The following GNAL variants were observed in gnomAD, a reference collection of about 807,000 sequenced individuals.
The protein encoded by GNAL is guanine nucleotide-binding protein G(olf) subunit alpha.
Under a neutral mutation model 55.1 loss-of-function variants are expected in GNAL, and 18 were observed. That is an observed-to-expected ratio of 0.33 (90% CI 0.23 to 0.48). The LOEUF (loss-of-function observed/expected upper bound fraction) is 0.48. Ranked by LOEUF, GNAL falls within the 20% of genes least tolerant of loss-of-function variation. The probability of loss-of-function intolerance (pLI) is 0.99; values close to 1 mark genes in which losing one functional copy is unlikely to be tolerated. For synonymous variants in GNAL, 253 were observed against 237.0 expected (o/e 1.07, Z -0.62); for missense variants, 412 against 614.1 (o/e 0.67, Z 3.48).
chr18:11,832,229 A>G (rs562347573), intron 5 of GNAL, among the ~76,000 whole-genome samples: 25 of 152,342 alleles, frequency 1.6e-4, no homozygotes, highest in East Asian at 5.8e-4. Flanking sequence ...TCCACAGCTC[A>G]CAGAGTGTAG....
intron 4 of GNAL, among the ~76,000 whole-genome samples, chr18:11,773,577 C>T (rs890038109): frequency 1.6e-4 from 24 of 152,046 alleles, no homozygotes; most frequent in Admixed American, 1.3e-3. Context: ...ACCAGACCAG[C>T]CTGGGCAAAA....
At chr18:11,747,228 T>G (rs1244324469) in intron 1 of GNAL, 4 of 358,886 alleles carry the variant, frequency 1.1e-5, no homozygotes, top group Non-Finnish European at 2.2e-5. Flanking sequence ...AAAGATGAGG[T>G]GGAGAAACAG....
Position 11,689,716 on chromosome 18 carries a change from C to T in GNAL, c.153C>T (p.Thr51=). 1.3e-6 allele frequency: 2 copies of T among 1,496,838 alleles called. No individual in the cohort carries two copies. Among genetic ancestry groups the T allele is most frequent in the South Asian group, 1.2e-5 (1 of 80,304 alleles). 92.7% of individuals were successfully genotyped at this position (1,496,838 alleles called of 1,614,324 possible). A position where few individuals can be genotyped will look rare whatever the true frequency, so the allele number is the denominator to read the frequency against. Residue 51 remains threonine (T), a synonymous_variant, in exon 1 of 12, where the codon ACC becomes ACT. Transcript: ENST00000334049. The part of the protein sequence containing the change: ...VRAAARDTAR[T]LLPRGGEGSP... ...CGGCCGCAAGGGACACGGCCCGGACCCTGCTCCCTCGGGGCGGCGAAGGGA... is the reference window on the plus strand; with the variant it reads ...CGGCCGCAAGGGACACGGCCCGGACTCTGCTCCCTCGGGGCGGCGAAGGGA...
intron 1 of GNAL, among the ~76,000 whole-genome samples, chr18:11,692,736 G>C (rs1033123824): frequency 2.0e-5 from 3 of 151,908 alleles, no homozygotes; most frequent in Non-Finnish European, 4.4e-5. Flanking sequence ...GGGTAGCATA[G>C]TAAAACCCCA....
At chr18:11,705,315 C>T (rs1173613332) in intron 1 of GNAL, among the ~76,000 whole-genome samples, 1 of 152,110 alleles carries the variant, frequency 6.6e-6, no homozygotes, top group South Asian at 2.1e-4. Flanking sequence ...AATAATATTC[C>T]ATTGTATGTA....
At chr18:11,694,190 G>A (rs1056740340) in intron 1 of GNAL, among the ~76,000 whole-genome samples, 2 of 152,026 alleles carry the variant, frequency 1.3e-5, no homozygotes, top group African/African-American at 4.8e-5. Flanking sequence ...TGTGAGGTTA[G>A]TCCCGTCTCC....
At chr18:11,873,214 A>G (rs1905637199) in intron 10 of GNAL, among the ~76,000 whole-genome samples, 1 of 152,244 alleles carries the variant, frequency 6.6e-6, no homozygotes, top group African/African-American at 2.4e-5. Flanking sequence ...TTCCTGGAAA[A>G]TATAGTTAAG....
At chr18:11,711,207 C>G (rs541912494) in intron 1 of GNAL, among the ~76,000 whole-genome samples, 1 of 152,156 alleles carries the variant, frequency 6.6e-6, no homozygotes, top group African/African-American at 2.4e-5. Flanking sequence ...TTATCCTGTT[C>G]GTGATTCATT....
At chr18:11,791,428 T>C (rs552782582) in intron 4 of GNAL, among the ~76,000 whole-genome samples, 9 of 152,338 alleles carry the variant, frequency 5.9e-5, no homozygotes, top group Admixed American at 1.3e-4. Context: ...TAAGGGATGC[T>C]TTTTGCCTTC....
At chr18:11,851,739 T>A in intron 5 of GNAL, 1 of 1,614,026 alleles carries the variant, frequency 6.2e-7, no homozygotes, top group Non-Finnish European at 8.5e-7. Flanking sequence ...ATGCAGTGGC[T>A]GCCAGGGTCC....
intron 5 of GNAL, among the ~76,000 whole-genome samples, chr18:11,860,519 G>A (rs1481832877): frequency 5.3e-5 from 8 of 152,208 alleles, no homozygotes; most frequent in Admixed American, 3.3e-4. Flanking sequence ...GGATTAACAG[G>A]AGGAAAGCAT....
At chr18:11,774,724 A>G (rs947727940) in intron 4 of GNAL, among the ~76,000 whole-genome samples, 1 of 152,190 alleles carries the variant, frequency 6.6e-6, no homozygotes, top group African/African-American at 2.4e-5. Flanking sequence ...CCCCCTGTGT[A>G]CTGTGAGGTG....
chr18:11,877,126 TTACATATGAGG>T (rs2036549724), intron 11 of GNAL, among the ~76,000 whole-genome samples: 1 of 152,184 alleles, frequency 6.6e-6, no homozygotes, highest in African/African-American at 2.4e-5. Context: ...TATTTCAAAC[TTACATATGAGG>T]CAGAAGATTT....
chr18:11,802,826 G>A (rs1262290407), intron 4 of GNAL, among the ~76,000 whole-genome samples: 5 of 152,196 alleles, frequency 3.3e-5, no homozygotes, highest in Non-Finnish European at 5.9e-5. Context: ...GGGCTGCGGA[G>A]GATGTGGCAT....
chr18:11,730,801 G>A (rs1041753309), intron 1 of GNAL, among the ~76,000 whole-genome samples: 7 of 152,098 alleles, frequency 4.6e-5, no homozygotes, highest in African/African-American at 1.7e-4. Flanking sequence ...AAGACTTGAA[G>A]TCAGTACAAA....
chr18:11,713,215 AAAAG>A (rs1425112591), intron 1 of GNAL, among the ~76,000 whole-genome samples: 3 of 152,256 alleles, frequency 2.0e-5, no homozygotes, highest in African/African-American at 7.2e-5. Context: ...TTGCTATAGC[AAAAG>A]AGTCAGTGAC....
intron 5 of GNAL, among the ~76,000 whole-genome samples, chr18:11,826,983 G>C (rs777896824): frequency 9.2e-5 from 14 of 152,160 alleles, no homozygotes; most frequent in Non-Finnish European, 1.9e-4. Flanking sequence ...AGACAAGGAA[G>C]AGCCTCACAG....
intron 4 of GNAL, among the ~76,000 whole-genome samples, chr18:11,822,547 T>C (rs2035126725): frequency 6.6e-6 from 1 of 152,162 alleles, no homozygotes; most frequent in Non-Finnish European, 1.5e-5. Context: ...AAGGCTGCAA[T>C]GAACCCAGAT....
chr18:11,831,058 G>C (rs180945503), intron 5 of GNAL, among the ~76,000 whole-genome samples: 1 of 152,232 alleles, frequency 6.6e-6, no homozygotes, highest in East Asian at 1.9e-4. Flanking sequence ...TTGGATAGTG[G>C]TGATAGTTGC....
Sources: allele counts gnomAD v4.1 joint callset (sites outside exome capture counted in the v4.1 genomes callset), GRCh38; gene constraint gnomAD v4.1.1; transcripts MANE v1.5; gene names NCBI Gene and HGNC (gene_info 2026-07-23, HGNC 2026-07-21).